OCIAD1: variants seen among roughly 807,000 people sequenced by gnomAD.
OCIAD1 encodes OCIA domain-containing protein 1.
Under a neutral mutation model 38.9 loss-of-function variants are expected in OCIAD1, and 29 were observed. That is an observed-to-expected ratio of 0.74 (90% CI 0.55 to 1.02). The LOEUF (loss-of-function observed/expected upper bound fraction) is 1.02. OCIAD1 is among the 50% of genes least tolerant of loss of function. OCIAD1 has a pLI of 0.00. For missense variants in OCIAD1, 288 were observed against 289.6 expected (o/e 0.99, Z 0.04); for synonymous variants, 110 against 92.0 (o/e 1.20, Z -1.12).
At chr4:48,856,719 T>G (rs1780074003) in intron 7 of OCIAD1, 3 of 152,232 alleles carry the variant, frequency 2.0e-5, no homozygotes, top group Admixed American at 2.0e-4. Context: ...TGTAAAAAGG[T>G]AAAATAAATG....
At position 48,832,014 on chromosome 4, in the gene OCIAD1, G is replaced by T. The variant is rs146464298; in HGVS notation, c.-5-606G>T. Among the ~76,000 whole-genome samples the T allele has an allele frequency of 3.1e-3, 465 of 152,186 alleles. 2 individuals are homozygous for T. Among genetic ancestry groups the T allele is most frequent in the African/African-American group, 0.011 (444 of 41,500 alleles). ...AACCAAATAAAAAATGTATATTCTTGGAATTTTATGCATTTTTTTCTTATA... is the reference window on the plus strand; with the variant it reads ...AACCAAATAAAAAATGTATATTCTTTGAATTTTATGCATTTTTTTCTTATA... On this transcript the variant is annotated intron_variant, in intron 1 of 8. Coordinates refer to ENST00000264312, the MANE Select transcript of OCIAD1 (RefSeq NM_017830.4).
intron 1 of OCIAD1, among the ~76,000 whole-genome samples, chr4:48,813,047 A>T (rs993772560): frequency 2.0e-5 from 3 of 152,172 alleles, no homozygotes; most frequent in African/African-American, 7.2e-5. Context: ...AGAGGAAAAC[A>T]TACTATACGG....
chr4:48,807,438 T>C (rs1352996378), intron 1 of OCIAD1, among the ~76,000 whole-genome samples: 1 of 152,162 alleles, frequency 6.6e-6, no homozygotes, highest in African/African-American at 2.4e-5. Context: ...CCCTTGTATC[T>C]CAACTTCCTC....
At chr4:48,845,453 G>A (rs1191122536) in intron 4 of OCIAD1, among the ~76,000 whole-genome samples, 1 of 152,106 alleles carries the variant, frequency 6.6e-6, no homozygotes, top group African/African-American at 2.4e-5. Flanking sequence ...TTCCATGATG[G>A]CATATTCCTA....
At chr4:48,806,139 C>T (rs1217322186) in intron 1 of OCIAD1, among the ~76,000 whole-genome samples, 3 of 151,982 alleles carry the variant, frequency 2.0e-5, no homozygotes, top group Non-Finnish European at 4.4e-5. Context: ...CGGTGGCAGG[C>T]GCCTGTAGTC....
chr4:48,849,553 G>A (rs965848222), intron 5 of OCIAD1, among the ~76,000 whole-genome samples: 3 of 152,068 alleles, frequency 2.0e-5, no homozygotes, highest in Non-Finnish European at 4.4e-5. Flanking sequence ...GAAAATAATG[G>A]CCTAAATCCT....
upstream of OCIAD1, chr4:48,831,024 C>T (rs1325962889): frequency 5.4e-6 from 1 of 184,074 alleles, no homozygotes; most frequent in Non-Finnish European, 1.2e-5. Flanking sequence ...CTCTCAGACC[C>T]GCAGTGAGGT....
At chr4:48,813,747 C>A (rs1272928898) in intron 1 of OCIAD1, among the ~76,000 whole-genome samples, 1 of 152,200 alleles carries the variant, frequency 6.6e-6, no homozygotes, top group African/African-American at 2.4e-5. Flanking sequence ...TAACAGGCAT[C>A]AAACTTACTT....
At chr4:48,827,063 T>C (rs1196715147), upstream of OCIAD1, among the ~76,000 whole-genome samples, 1 of 152,220 alleles carries the variant, frequency 6.6e-6, no homozygotes, top group Non-Finnish European at 1.5e-5. Context: ...TTAAACTAGA[T>C]AGTCTGGTGA....
intron 6 of OCIAD1, among the ~76,000 whole-genome samples, chr4:48,850,571 T>TTTTTG (rs985599771): frequency 3.9e-5 from 6 of 152,104 alleles, no homozygotes; most frequent in Non-Finnish European, 8.8e-5. Context: ...TGGTTCTTCA[T>TTTTTG]TTTTGTTTTG....
chr4:48,851,968 T>TA lies in OCIAD1; in HGVS notation c.540_541insA (p.Val181SerfsTer5), dbSNP rs1443964541. On this transcript the variant is annotated frameshift_variant, in exon 7 of 9. Coordinates refer to ENST00000264312, the MANE Select transcript of OCIAD1 (RefSeq NM_017830.4). LOFTEE classifies it high-confidence loss of function. ...CTCCCACTGGTATTACTGATCATAT[T>TA]GTCCAAGGTAGAAACTTCTCTTGAA... is the stretch of plus-strand genomic sequence containing the variant. 1 of 1,601,392 alleles carries TA rather than the reference T, an allele frequency of 6.2e-7. No homozygotes were observed. Among genetic ancestry groups the TA allele is most frequent in the South Asian group, 1.1e-5 (1 of 88,806 alleles).
chr4:48,828,437 G>A (rs531643767), upstream of OCIAD1, among the ~76,000 whole-genome samples: 18 of 152,262 alleles, frequency 1.2e-4, no homozygotes, highest in South Asian at 6.2e-4. Flanking sequence ...AGCCAGCAGC[G>A]GCAACCCACT....
At chr4:48,830,140 G>A (rs1173265574), upstream of OCIAD1, among the ~76,000 whole-genome samples, 2 of 152,166 alleles carry the variant, frequency 1.3e-5, no homozygotes, top group African/African-American at 2.4e-5. Flanking sequence ...AGAAAGTGAC[G>A]CTCAAAAGGC....
intron 1 of OCIAD1, among the ~76,000 whole-genome samples, chr4:48,824,019 C>T (rs1049423675): frequency 5.3e-5 from 8 of 151,986 alleles, no homozygotes; most frequent in Non-Finnish European, 1.2e-4. Flanking sequence ...CACTCTGTTG[C>T]CCAGGCTGGA....
chr4:48,806,376 T>G (rs1257364941), intron 1 of OCIAD1, among the ~76,000 whole-genome samples: 6 of 152,370 alleles, frequency 3.9e-5, no homozygotes, highest in Admixed American at 2.6e-4. Context: ...CTTTCCATTT[T>G]GTTAGTTTTC....
intron 5 of OCIAD1, 86 bp downstream of exon 5, chr4:48,848,532 C>T (rs1314031748): frequency 1.6e-6 from 1 of 621,992 alleles, no homozygotes; most frequent in African/African-American, 1.9e-5. Context: ...ATGTCTTACT[C>T]ATATTAGTTA....
Position 48,832,667 on chromosome 4 carries a change from C to G in OCIAD1, c.43C>G (p.Pro15Ala). 6.2e-7 allele frequency: 1 copy of G among 1,612,340 alleles called. No individual in the cohort carries two copies. Among genetic ancestry groups the G allele is most frequent in the Non-Finnish European group, 8.5e-7 (1 of 1,178,446 alleles). The change falls in exon 2 of 9, where the codon CCA becomes GCA. Residue 15 changes from proline (P) to alanine (A), a missense_variant. Physicochemically the swap from Pro to Ala is conservative, Grantham distance 27. Transcript: ENST00000264312. The part of the protein sequence containing the change: ...ADFREPNAEV[P>A]RPIPHIGPDY... ...TTTTCGAGAGCCGAATGCAGAGGTT[C>G]CAAGACCAATTCCCCGTAACTATCT...
At chr4:48,853,548 G>A (rs1185532163) in intron 7 of OCIAD1, among the ~76,000 whole-genome samples, 1 of 152,084 alleles carries the variant, frequency 6.6e-6, no homozygotes, top group East Asian at 1.9e-4. Flanking sequence ...GGGAGGGGAG[G>A]GTATACAGTG....
chr4:48,860,988 A>G lies in OCIAD1; in HGVS notation c.*226A>G. On this transcript the variant is annotated 3_prime_UTR_variant, in exon 9 of 9. Transcript: ENST00000264312. ...AGGGATTCATTTGAATGATGGTATT[A>G]TACCATGATTGTATACAGTTTGTGA... The G allele has an allele frequency of 1.9e-6, 1 of 516,800 alleles. No individual in the cohort carries two copies. 32.0% of individuals were successfully genotyped at this position (516,800 alleles called of 1,614,324 possible). A position where few individuals can be genotyped will look rare whatever the true frequency, so the allele number is the denominator to read the frequency against.
Sources: allele counts gnomAD v4.1 joint callset (sites outside exome capture counted in the v4.1 genomes callset), GRCh38; gene constraint gnomAD v4.1.1; transcripts MANE v1.5; gene names NCBI Gene and HGNC (gene_info 2026-07-23, HGNC 2026-07-21).